GLIS3: variants seen among roughly 807,000 people sequenced by gnomAD.
GLIS3 encodes the protein GLIS family zinc finger 3.
Under a neutral mutation model 78.6 loss-of-function variants are expected in GLIS3, and 53 were observed. The ratio of observed to expected loss-of-function variants is 0.67; its 90% CI spans 0.54 to 0.85. The LOEUF (loss-of-function observed/expected upper bound fraction) is 0.85. GLIS3 is among the 40% of genes least tolerant of loss of function. The probability of loss-of-function intolerance (pLI) is 0.00; values close to 1 mark genes in which losing one functional copy is unlikely to be tolerated. For missense variants in GLIS3, 1,703 were observed against 1,231.1 expected (o/e 1.38, Z -5.74); for synonymous variants, 684 against 509.9 (o/e 1.34, Z -4.60).
At chr9:3,991,759 C>T (rs932589457) in intron 4 of GLIS3, among the ~76,000 whole-genome samples, 18 of 136,676 alleles carry the variant, frequency 1.3e-4, no homozygotes, top group Middle Eastern at 4.5e-3. Flanking sequence ...GGTGGGATCT[C>T]GGCTCACTGC....
intron 9 of GLIS3, among the ~76,000 whole-genome samples, chr9:3,852,369 A>G (rs1563776093): frequency 6.6e-6 from 1 of 152,180 alleles, no homozygotes; most frequent in African/African-American, 2.4e-5. Context: ...AAGTTTTTGA[A>G]AGAGAGAACA....
At chr9:3,935,487 T>A (rs543822425) in intron 5 of GLIS3, among the ~76,000 whole-genome samples, 16 of 152,320 alleles carry the variant, frequency 1.1e-4, no homozygotes, top group South Asian at 4.1e-4. Context: ...TTAGCTTGAT[T>A]AGCTAAAATT....
chr9:4,216,316 C>CA (rs531387583), intron 2 of GLIS3, among the ~76,000 whole-genome samples: 97 of 151,598 alleles, frequency 6.4e-4, no homozygotes, highest in Admixed American at 2.0e-3. Context: ...ACTAAAAATA[C>CA]AAAAAAATTA....
the GLIS3 span, among the ~76,000 whole-genome samples, chr9:4,399,186 TA>T: frequency 3.3e-5 from 5 of 152,208 alleles, no homozygotes; most frequent in African/African-American, 1.2e-4. Context: ...AAAGAAATGA[TA>T]AATGTTTGGG....
intron 9 of GLIS3, among the ~76,000 whole-genome samples, chr9:3,851,596 C>T (rs568735756): frequency 1.3e-5 from 2 of 152,146 alleles, no homozygotes; most frequent in East Asian, 1.9e-4. Context: ...TACAAAATGC[C>T]GCAACAAAAA....
At chr9:3,885,750 C>T (rs898360891) in intron 7 of GLIS3, among the ~76,000 whole-genome samples, 1 of 152,140 alleles carries the variant, frequency 6.6e-6, no homozygotes, top group Non-Finnish European at 1.5e-5. Context: ...GGGAAAAGTT[C>T]GGGAACAGCT....
intron 4 of GLIS3, among the ~76,000 whole-genome samples, chr9:4,036,702 A>C (rs1324974714): frequency 6.6e-6 from 1 of 152,146 alleles, no homozygotes; most frequent in Non-Finnish European, 1.5e-5. Flanking sequence ...TTTTCCTTGA[A>C]CTTTGACTCC....
intron 2 of GLIS3, among the ~76,000 whole-genome samples, chr9:4,187,036 T>C (rs1178705822): frequency 6.6e-6 from 1 of 152,234 alleles, no homozygotes; most frequent in African/African-American, 2.4e-5. Context: ...TTTGTTGCCA[T>C]TGCTTTCAGT....
chr9:4,397,387 G>C, the GLIS3 span, among the ~76,000 whole-genome samples: 1 of 151,658 alleles, frequency 6.6e-6, no homozygotes, highest in Admixed American at 6.6e-5. Flanking sequence ...TTGCAAGTTT[G>C]AAGATATTTT....
At chr9:3,860,942 AATGTATCTACTGGG>A in intron 8 of GLIS3, among the ~76,000 whole-genome samples, 1 of 152,322 alleles carries the variant, frequency 6.6e-6, no homozygotes, top group African/African-American at 2.4e-5. Context: ...TTTAGTAAGC[AATGTATCTACTGGG>A]CTAGAGGAAA....
At chr9:4,189,760 G>A (rs1164669574) in intron 2 of GLIS3, among the ~76,000 whole-genome samples, 1 of 151,632 alleles carries the variant, frequency 6.6e-6, no homozygotes, top group African/African-American at 2.4e-5. Context: ...GGCCTTCTTT[G>A]TCTCTTTTGA....
chr9:4,195,800 CAGGCACT>C (rs1818781203), intron 2 of GLIS3, among the ~76,000 whole-genome samples: 1 of 152,236 alleles, frequency 6.6e-6, no homozygotes, highest in Admixed American at 6.5e-5. Flanking sequence ...GATGCACCAA[CAGGCACT>C]CTGTGTCTAA....
At chr9:4,406,253 G>A in the GLIS3 span, among the ~76,000 whole-genome samples, 5 of 152,166 alleles carry the variant, frequency 3.3e-5, no homozygotes, top group African/African-American at 1.2e-4. Context: ...GAAAAAAAAG[G>A]GCATCCCAAC....
intron 2 of GLIS3, among the ~76,000 whole-genome samples, chr9:4,185,840 C>T (rs916452758): frequency 6.6e-6 from 1 of 152,112 alleles, no homozygotes; most frequent in Non-Finnish European, 1.5e-5. Flanking sequence ...ATTGGCCAGA[C>T]CCAACTGGAA....
At chr9:4,068,799 T>C (rs1044765175) in intron 4 of GLIS3, among the ~76,000 whole-genome samples, 3 of 149,402 alleles carry the variant, frequency 2.0e-5, no homozygotes, top group African/African-American at 7.3e-5. Flanking sequence ...TACAGGTTTT[T>C]GTTATTTTTT....
Position 3,997,295 on chromosome 9 carries a change from G to A in GLIS3, c.1711-60106C>T, listed in dbSNP as rs566601000. ...CAGGAGGCGGAGGTTGAGGTAAGCC[G>A]AGATCGCTGCATTGCACCCCAGCCT... On this transcript the variant is annotated intron_variant, in intron 4 of 10. Transcript: ENST00000381971. Among the ~76,000 whole-genome samples, 5 of 152,250 alleles carry A rather than the reference G, an allele frequency of 3.3e-5. No homozygotes were observed. The South Asian group carries it at 6.2e-4, about 19-fold the overall frequency.
the GLIS3 span, among the ~76,000 whole-genome samples, chr9:4,471,451 A>G: frequency 6.6e-6 from 1 of 152,104 alleles, no homozygotes; most frequent in East Asian, 1.9e-4. Context: ...AAATAATACC[A>G]CACATCTACA....
the GLIS3 span, among the ~76,000 whole-genome samples, chr9:4,385,741 G>GAAAGAA: frequency 7.3e-4 from 32 of 43,934 alleles, 1 homozygote; most frequent in East Asian, 3.6e-3. Context: ...GAAAGAAAAA[G>GAAAGAA]AAAGAAAGAA....
intron 2 of GLIS3, among the ~76,000 whole-genome samples, chr9:4,140,610 G>T: frequency 6.6e-6 from 1 of 152,092 alleles, no homozygotes; most frequent in South Asian, 2.1e-4. Context: ...CCCCAGAGCT[G>T]CTCAACTATC....
Sources: allele counts gnomAD v4.1 joint callset (sites outside exome capture counted in the v4.1 genomes callset), GRCh38; gene constraint gnomAD v4.1.1; transcripts MANE v1.5; gene names NCBI Gene and HGNC (gene_info 2026-07-23, HGNC 2026-07-21).